Variants in ABTB3 observed in about 807,000 individuals in gnomAD.
ABTB3 encodes the protein ankyrin repeat and BTB domain containing 3, also known as ankyrin repeat- and BTB/POZ domain-containing protein 3.
the ABTB3 span, among the ~76,000 whole-genome samples, chr12:107,416,266 TAGAG>T: frequency 1.3e-5 from 2 of 152,160 alleles, no homozygotes; most frequent in Admixed American, 1.3e-4. Context: ...ACCTGGCACC[TAGAG>T]AGAGAGGTAT....
the ABTB3 span, among the ~76,000 whole-genome samples, chr12:107,467,257 A>G: frequency 6.6e-6 from 1 of 152,120 alleles, no homozygotes; most frequent in Non-Finnish European, 1.5e-5. Context: ...TCATCCGCAC[A>G]GCTGTCTGTT....
At chr12:107,434,833 C>T in the ABTB3 span, among the ~76,000 whole-genome samples, 2 of 151,540 alleles carry the variant, frequency 1.3e-5, no homozygotes, top group Non-Finnish European at 2.9e-5. Flanking sequence ...CACTGTACTC[C>T]AGCCTGGGTG....
the ABTB3 span, among the ~76,000 whole-genome samples, chr12:107,479,466 A>T: frequency 6.6e-6 from 1 of 152,102 alleles, no homozygotes; most frequent in Non-Finnish European, 1.5e-5. Flanking sequence ...TCTCCACTTT[A>T]TAGGGCTGTT....
the ABTB3 span, among the ~76,000 whole-genome samples, chr12:107,469,958 T>TTC: frequency 1.6e-4 from 11 of 68,572 alleles, no homozygotes; most frequent in African/African-American, 7.5e-4. Flanking sequence ...CTTTCTTTCT[T>TTC]TCTTTCTTTC....
At chr12:107,634,563 GCT>G in the ABTB3 span, among the ~76,000 whole-genome samples, 3 of 152,136 alleles carry the variant, frequency 2.0e-5, no homozygotes, top group Non-Finnish European at 4.4e-5. Flanking sequence ...GAAACAAAAT[GCT>G]CTGTTTCGTT....
the ABTB3 span, chr12:107,319,850 G>C: frequency 8.2e-7 from 1 of 1,215,136 alleles, no homozygotes; most frequent in Non-Finnish European, 1.1e-6. Context: ...CTGCAGCGCA[G>C]CCAGCAGCGC....
At chr12:107,637,775 G>C in the ABTB3 span, among the ~76,000 whole-genome samples, 3 of 145,960 alleles carry the variant, frequency 2.1e-5, no homozygotes, top group Non-Finnish European at 4.5e-5. Flanking sequence ...GCAAATCGGA[G>C]AGCACTGATT....
the ABTB3 span, among the ~76,000 whole-genome samples, chr12:107,532,813 A>C: frequency 6.6e-6 from 1 of 152,192 alleles, no homozygotes; most frequent in South Asian, 2.1e-4. Context: ...CCATCAAACT[A>C]GAAACAGATT....
the ABTB3 span, among the ~76,000 whole-genome samples, chr12:107,578,154 CAAGAT>C: frequency 6.6e-6 from 1 of 151,902 alleles, no homozygotes; most frequent in Non-Finnish European, 1.5e-5. Context: ...TCTGAGTAGA[CAAGAT>C]AAGAAGATTT....
At chr12:107,617,970 T>C in the ABTB3 span, among the ~76,000 whole-genome samples, 3 of 152,104 alleles carry the variant, frequency 2.0e-5, no homozygotes, top group South Asian at 6.2e-4. Flanking sequence ...AGGCCAGTCA[T>C]GCCCCATCAT....
At chr12:107,449,924 G>A in the ABTB3 span, among the ~76,000 whole-genome samples, 1 of 152,154 alleles carries the variant, frequency 6.6e-6, no homozygotes, top group Admixed American at 6.5e-5. Flanking sequence ...TTACAGGCAT[G>A]AGCCATTGTG....
the ABTB3 span, among the ~76,000 whole-genome samples, chr12:107,558,631 G>A: frequency 3.9e-5 from 6 of 152,082 alleles, no homozygotes; most frequent in South Asian, 6.2e-4. Flanking sequence ...CACCTCTCCC[G>A]TGAAAGATTT....
chr12:107,635,697 G>A, the ABTB3 span, among the ~76,000 whole-genome samples: 2 of 152,050 alleles, frequency 1.3e-5, no homozygotes, highest in African/African-American at 4.8e-5. Context: ...CCTGAAAGAA[G>A]TCCACACTGC....
the ABTB3 span, among the ~76,000 whole-genome samples, chr12:107,433,564 G>A: frequency 4.4e-3 from 666 of 152,220 alleles, 3 homozygotes; most frequent in African/African-American, 0.015. Flanking sequence ...GCCACTCTGC[G>A]TGTGTCAGGT....
the ABTB3 span, among the ~76,000 whole-genome samples, chr12:107,652,390 C>T: frequency 1.3e-5 from 2 of 152,180 alleles, no homozygotes; most frequent in African/African-American, 4.8e-5. Flanking sequence ...CTCACTTAAA[C>T]TTCCTGTGCC....
the ABTB3 span, among the ~76,000 whole-genome samples, chr12:107,578,439 A>AT: frequency 8.5e-6 from 1 of 117,872 alleles, no homozygotes; most frequent in Admixed American, 1.3e-4. Flanking sequence ...TTCACCAGGC[A>AT]TTGGCCGTGT....
At chr12:107,434,473 A>G in the ABTB3 span, among the ~76,000 whole-genome samples, 1 of 152,344 alleles carries the variant, frequency 6.6e-6, no homozygotes, top group East Asian at 1.9e-4. Flanking sequence ...CATAGCAATC[A>G]TCACATACTC....
the ABTB3 span, among the ~76,000 whole-genome samples, chr12:107,644,862 G>C: frequency 6.6e-6 from 1 of 151,918 alleles, no homozygotes; most frequent in Non-Finnish European, 1.5e-5. Context: ...ACAGGCATGA[G>C]ATGCATAAGT....
the ABTB3 span, among the ~76,000 whole-genome samples, chr12:107,365,022 G>A: frequency 1.1e-3 from 160 of 152,248 alleles, no homozygotes; most frequent in Non-Finnish European, 2.0e-3. Context: ...CATTTGGGAG[G>A]TAGCATTCGC....
Sources: allele counts gnomAD v4.1 joint callset (sites outside exome capture counted in the v4.1 genomes callset), GRCh38; gene constraint gnomAD v4.1.1; transcripts MANE v1.5; gene names NCBI Gene and HGNC (gene_info 2026-07-23, HGNC 2026-07-21).